The following COP1 variants were observed in gnomAD, a reference collection of about 807,000 sequenced individuals.
COP1 encodes the protein E3 ubiquitin-protein ligase COP1.
A neutral mutation model predicts 101.3 loss-of-function variants in COP1; 24 were observed. The observed-to-expected ratio is 0.24, with a 90% CI of 0.17 to 0.33. The LOEUF is 0.33. Ranked by LOEUF, COP1 falls within the 10% of genes least tolerant of loss-of-function variation. The pLI is 1.00. For synonymous variants in COP1, 347 were observed against 341.9 expected (o/e 1.01, Z -0.17); for missense variants, 663 against 906.2 (o/e 0.73, Z 3.45).
rs757438162 is a variant in COP1 at position 176,085,862 on chromosome 1, G to A, written c.1055C>T (p.Thr352Met). 33 of 1,605,294 alleles carry A rather than the reference G, an allele frequency of 2.1e-5. No individual in the cohort carries two copies. The highest frequency in any genetic ancestry group is 1.7e-4 in the Middle Eastern group (1 of 5,734). ...QTKKQPWYNS[T>M]LASRRKRLTA... ...AAGTCGTTTTCGTCTTGATGCTAAC[G>A]TGCTATTATACCAAGGCTGTTTCTT... is the stretch of plus-strand genomic sequence containing the variant. The change falls in exon 10 of 20, where the codon ACG (threonine) becomes ATG (methionine). Residue 352 changes from threonine to methionine, a missense_variant. This residue lies in a region of COP1 where 212 missense variants were observed against 240.7 expected (regional missense o/e 0.88). Coordinates refer to ENST00000367669, the MANE Select transcript of COP1 (RefSeq NM_022457.7).
intron 3 of COP1, among the ~76,000 whole-genome samples, chr1:176,166,117 ATTTATTTAT>A (rs1280809118): frequency 6.6e-6 from 1 of 152,050 alleles, no homozygotes; most frequent in Admixed American, 6.5e-5. Context: ...TCAAGCCTGT[ATTTATTTAT>A]TTTATTTATT....
chr1:176,043,935 C>T (rs566239794), intron 12 of COP1, 117 bp from the exon 13 acceptor site: 27 of 658,116 alleles, frequency 4.1e-5, no homozygotes, highest in Admixed American at 1.4e-4. Context: ...TATCAGTTCA[C>T]AATCATTATT....
At chr1:176,183,537 A>G (rs560723177) in intron 2 of COP1, among the ~76,000 whole-genome samples, 3 of 152,324 alleles carry the variant, frequency 2.0e-5, no homozygotes, top group Middle Eastern at 3.4e-3. Context: ...TATAGAAAAC[A>G]GTATGGCAGT....
chr1:176,158,453 G>A (rs2149903017), intron 5 of COP1, among the ~76,000 whole-genome samples: 1 of 152,058 alleles, frequency 6.6e-6, no homozygotes, highest in East Asian at 1.9e-4. Context: ...AAGAATAAAG[G>A]ACACCAGAAA....
chr1:176,123,900 C>G (rs1256868264), intron 8 of COP1, among the ~76,000 whole-genome samples: 1 of 152,114 alleles, frequency 6.6e-6, no homozygotes, highest in East Asian at 1.9e-4. Context: ...TCTAAAGTAG[C>G]ATCTCTACCA....
chr1:176,060,507 C>T (rs1258832404), intron 11 of COP1, among the ~76,000 whole-genome samples: 1 of 152,156 alleles, frequency 6.6e-6, no homozygotes, highest in East Asian at 1.9e-4. Flanking sequence ...AAAAGTACAA[C>T]AGAGACTCAA....
In COP1 at chr1:176,207,243, C is replaced by G. The variant is rs538089554; in HGVS notation, c.-265G>C. 5 of 397,060 alleles carry G rather than the reference C, an allele frequency of 1.3e-5. No individual in the cohort carries two copies. The highest frequency in any genetic ancestry group is 1.1e-4 in the East Asian group (3 of 27,930). The allele number at this position is 397,060 out of a possible 1,614,324, so 24.6% of individuals were successfully genotyped here. ...GCCGCCACCGCGGTCCCTGTAGCAG[C>G]CAACCCCGGCGCGCCGTGGCCGGCC... On this transcript the variant is annotated 5_prime_UTR_variant, in exon 1 of 20. Coordinates refer to ENST00000367669, the MANE Select transcript of COP1 (RefSeq NM_022457.7).
intron 8 of COP1, among the ~76,000 whole-genome samples, chr1:176,124,147 G>C (rs986481718): frequency 6.6e-6 from 1 of 151,816 alleles, no homozygotes; most frequent in African/African-American, 2.4e-5. Context: ...TATACAGCAG[G>C]TGTATATACT....
intron 3 of COP1, 110 bp from the exon 4 acceptor site, chr1:176,164,001 A>C: frequency 1.7e-6 from 1 of 579,188 alleles, no homozygotes; most frequent in Non-Finnish European, 3.0e-6. Flanking sequence ...TAGCCTCCAA[A>C]TTCAAAACAT....
chr1:176,173,324 G>GAAAAAAAAAAAAAAACAAAAAAA (rs1696382845), intron 3 of COP1, among the ~76,000 whole-genome samples: 1 of 93,704 alleles, frequency 1.1e-5, no homozygotes. Flanking sequence ...AAAACAAAAT[G>GAAAAAAAAAAAAAAACAAAAAAA]AAAAAAAAAA....
At chr1:176,113,791 CT>C (rs1365553024) in intron 9 of COP1, among the ~76,000 whole-genome samples, 1 of 152,048 alleles carries the variant, frequency 6.6e-6, no homozygotes, top group African/African-American at 2.4e-5. Context: ...GAAAGTGGGG[CT>C]TCACTGTGGA....
intron 18 of COP1, among the ~76,000 whole-genome samples, chr1:175,964,633 T>C (rs774608896): frequency 5.9e-5 from 9 of 152,226 alleles, no homozygotes; most frequent in Non-Finnish European, 1.0e-4. Context: ...CTTCTTAAAG[T>C]GTGCCCACTA....
At chr1:175,996,947 C>T (rs1174292463) in intron 15 of COP1, among the ~76,000 whole-genome samples, 3 of 151,580 alleles carry the variant, frequency 2.0e-5, no homozygotes, top group Non-Finnish European at 3.0e-5. Context: ...CCAAGTCAAT[C>T]CTAAGCCAAA....
At chr1:176,020,296 G>C (rs1279348796) in intron 15 of COP1, among the ~76,000 whole-genome samples, 2 of 142,924 alleles carry the variant, frequency 1.4e-5, no homozygotes, top group East Asian at 2.1e-4. Context: ...GGGCGACAAA[G>C]TGAGACTCCA....
intron 15 of COP1, among the ~76,000 whole-genome samples, chr1:175,994,256 G>C (rs1000540800): frequency 6.6e-6 from 1 of 152,116 alleles, no homozygotes; most frequent in Non-Finnish European, 1.5e-5. Flanking sequence ...ACTAAACATG[G>C]AAAGGAACAA....
At chr1:175,947,011 C>G (rs1649260908) in intron 19 of COP1, among the ~76,000 whole-genome samples, 184 bp downstream of exon 19, 1 of 152,220 alleles carries the variant, frequency 6.6e-6, no homozygotes, top group Admixed American at 6.5e-5. Flanking sequence ...TCAATAAGCA[C>G]TATCATCTTC....
chr1:176,024,111 T>C lies in COP1; in HGVS notation c.1729+3461A>G, dbSNP rs187974003. On this transcript the variant is annotated intron_variant, in intron 15 of 19. Transcript: ENST00000367669. The stretch of plus-strand genomic sequence containing the variant: ...TGTCTCTACTAGAAATACAAAAAAT[T>C]AGCCAGATGTGGTGGCTGGTGCCCG... Among the ~76,000 whole-genome samples, 51 of 152,144 alleles carry C rather than the reference T, an allele frequency of 3.4e-4. 1 individual carries two copies. The East Asian group carries it at 9.7e-3, about 29-fold the overall frequency.
intron 1 of COP1, among the ~76,000 whole-genome samples, chr1:176,202,999 T>C (rs527343606): frequency 2.6e-5 from 4 of 152,122 alleles, no homozygotes; most frequent in Non-Finnish European, 5.9e-5. Context: ...GGTAGATCTA[T>C]TTAATGTAGA....
chr1:175,998,144 A>G (rs1660720007), intron 15 of COP1, among the ~76,000 whole-genome samples: 1 of 149,422 alleles, frequency 6.7e-6, no homozygotes, highest in Admixed American at 6.7e-5. Flanking sequence ...AAAAATGATG[A>G]GTTCATGTCC....
Sources: allele counts gnomAD v4.1 joint callset (sites outside exome capture counted in the v4.1 genomes callset), GRCh38; gene constraint gnomAD v4.1.1; regional missense constraint gnomAD v4.1.1; transcripts MANE v1.5; gene names NCBI Gene and HGNC (gene_info 2026-07-23, HGNC 2026-07-21).